The following TAF6L variants were observed in gnomAD, a reference collection of about 807,000 sequenced individuals.
The protein encoded by TAF6L is TAF6-like RNA polymerase II p300/CBP-associated factor-associated factor 65 kDa subunit 6L.
A neutral mutation model predicts 57.3 loss-of-function variants in TAF6L; 34 were observed. That is an observed-to-expected ratio of 0.59 (90% confidence interval 0.45 to 0.79). The LOEUF is 0.79. TAF6L is among the 30% of genes least tolerant of loss of function. The pLI, the probability that TAF6L is intolerant of heterozygous loss-of-function variation, is 0.00. For missense variants in TAF6L, 782 were observed against 853.2 expected (o/e 0.92, Z 1.04); for synonymous variants, 417 against 376.3 (o/e 1.11, Z -1.25).
Position 62,784,616 on chromosome 11 carries a change from A to G in TAF6L, c.961-1644A>G, listed in dbSNP as rs183377166. ...CCACCGTGCCTGGCCTATATTCTTA[A>G]TTTTATCATCAATTTATATTGGATT... On this transcript the variant is annotated intron_variant, in intron 9 of 10. Coordinates refer to ENST00000294168, the MANE Select transcript of TAF6L (RefSeq NM_006473.4). Among the ~76,000 whole-genome samples, 446 of 152,114 alleles carry G rather than the reference A, an allele frequency of 2.9e-3. 3 individuals are homozygous for G. The highest frequency in any genetic ancestry group is 9.5e-3 in the African/African-American group (393 of 41,496).
In TAF6L at chr11:62,778,947, A is replaced by G; in HGVS notation, c.515A>G (p.Asp172Gly). The G allele has an allele frequency of 1.2e-6, 2 of 1,613,478 alleles. No homozygotes were observed. The highest frequency in any genetic ancestry group is 1.7e-6 in the Non-Finnish European group (2 of 1,179,796). Residue 172 changes from aspartate to glycine, a missense_variant, in exon 6 of 11, where the codon GAT becomes GGT. This residue lies in a region of TAF6L where 220 missense variants were observed against 252.1 expected (regional missense o/e 0.87). Coordinates refer to ENST00000294168, the MANE Select transcript of TAF6L (RefSeq NM_006473.4). ...GTGACTCGTGCTGTGCTAGGGGATG[A>G]TCCGCAACTGATGAAGGTGAGCGAG... Reference protein sequence around the residue: ...HQVTRAVLGDDPQLMKVALQD... With the variant: ...HQVTRAVLGDGPQLMKVALQD...
At chr11:62,785,048 G>T (rs2084260017) in intron 9 of TAF6L, among the ~76,000 whole-genome samples, 1 of 151,878 alleles carries the variant, frequency 6.6e-6, no homozygotes, top group Admixed American at 6.6e-5. Context: ...TTCCTACATT[G>T]CCCAGGCTGG....
chr11:62,778,680 A>G, intron 5 of TAF6L, 189 bp from the exon 6 acceptor site: 1 of 625,106 alleles, frequency 1.6e-6, no homozygotes, highest in Non-Finnish European at 2.8e-6. Context: ...AGGACAGAGC[A>G]CAGAGGTGTG....
In TAF6L at chr11:62,787,206, C is replaced by G. The variant is rs1398477003; in HGVS notation, c.1779C>G (p.Arg593=). 1 of 1,588,960 alleles carries G rather than the reference C, an allele frequency of 6.3e-7. No homozygotes were observed. Among genetic ancestry groups the G allele is most frequent in the South Asian group, 1.1e-5 (1 of 90,154 alleles). The change falls in exon 11 of 11, where the codon CGC becomes CGG. Residue 593 remains arginine, a synonymous_variant. Transcript: ENST00000294168. ...PAPYGPSPAS[R]YVQKLPMIGR... ...CGTACGGGCCTAGCCCGGCCTCGCGCTACGTGCAGAAACTGCCCATGATCG... is the reference window on the plus strand; with the variant it reads ...CGTACGGGCCTAGCCCGGCCTCGCGGTACGTGCAGAAACTGCCCATGATCG...
intron 8 of TAF6L, 70 bp from the exon 9 acceptor site, chr11:62,782,623 G>T: frequency 1.3e-6 from 2 of 1,582,166 alleles, no homozygotes; most frequent in Non-Finnish European, 1.7e-6. Flanking sequence ...TATTCTCTTT[G>T]TGTTGTCTTG....
chr11:62,781,869 A>T (rs376643499), intron 6 of TAF6L, 25 bp from the exon 7 acceptor site: 13 of 1,610,390 alleles, frequency 8.1e-6, no homozygotes, highest in South Asian at 1.1e-5. Flanking sequence ...GGTGGATCCA[A>T]TGCAGTCTGG....
chr11:62,780,727 C>G (rs1295533533), intron 6 of TAF6L, among the ~76,000 whole-genome samples: 1 of 150,970 alleles, frequency 6.6e-6, no homozygotes, highest in Non-Finnish European at 1.5e-5. Context: ...GCCGGGAGTT[C>G]GAGACCAGCC....
chr11:62,779,218 G>A (rs1478448672), intron 6 of TAF6L, among the ~76,000 whole-genome samples: 1 of 151,620 alleles, frequency 6.6e-6, no homozygotes, highest in Non-Finnish European at 1.5e-5. Context: ...TTTTTGAAAC[G>A]GAGTCTTGCA....
intron 3 of TAF6L, among the ~76,000 whole-genome samples, chr11:62,776,768 T>C (rs2084191127): frequency 6.6e-6 from 1 of 151,226 alleles, no homozygotes; most frequent in Non-Finnish European, 1.5e-5. Context: ...TGAGAATCGC[T>C]TGAACCTAGC....
At chr11:62,774,355 C>T (rs1397766593) in intron 1 of TAF6L, among the ~76,000 whole-genome samples, 2 of 152,152 alleles carry the variant, frequency 1.3e-5, no homozygotes, top group South Asian at 2.1e-4. Context: ...GGATTACAGG[C>T]GTGAGCCACC....
chr11:62,775,793 CGAG>C lies in TAF6L; in HGVS notation c.11_13del (p.Arg4_Glu5delinsGln). 6.2e-7 allele frequency: 1 copy of C among 1,608,302 alleles called. No homozygotes were observed. Among genetic ancestry groups the C allele is most frequent in the African/African-American group, 1.3e-5 (1 of 74,988 alleles). ...CAGCTCCACTGGGGCCATGTCAGAGCGAGAAGAGCGGCGGTTTGTGGAGATCCC... is the reference window on the plus strand; with the variant it reads ...CAGCTCCACTGGGGCCATGTCAGAGCAAGAGCGGCGGTTTGTGGAGATCCC... On this transcript the variant is annotated inframe_deletion, in exon 2 of 11. Transcript: ENST00000294168.
chr11:62,786,930 C>T lies in TAF6L; in HGVS notation c.1503C>T (p.Ser501=), dbSNP rs2134730640. 4.7e-6 allele frequency: 7 copies of T among 1,477,334 alleles called. No homozygotes were observed. The African/African-American group carries it at 5.9e-5, about 12-fold the overall frequency. 91.5% of individuals were successfully genotyped at this position (1,477,334 alleles called of 1,614,324 possible). A position where few individuals can be genotyped will look rare whatever the true frequency, so the allele number is the denominator to read the frequency against. ...TAGTCAGCCCGCACGGCGACGAGAGCCCCCGGGGCAGCGGCGGAGGCGGCC... is the reference window on the plus strand; with the variant it reads ...TAGTCAGCCCGCACGGCGACGAGAGTCCCCGGGGCAGCGGCGGAGGCGGCC... ...SAIVSPHGDE[S]PRGSGGGGPA... The change falls in exon 11 of 11, where the codon AGC becomes AGT. Residue 501 remains serine (S), a synonymous_variant. Transcript: ENST00000294168.
chr11:62,779,027 T>G, intron 6 of TAF6L, 64 bp downstream of exon 6: 1 of 1,467,232 alleles, frequency 6.8e-7, no homozygotes, highest in Non-Finnish European at 9.5e-7. Flanking sequence ...CTGTTTTTTT[T>G]TTTTTTTTTT....
At chr11:62,782,570 T>A in intron 8 of TAF6L, 123 bp from the exon 9 acceptor site, 1 of 1,429,766 alleles carries the variant, frequency 7.0e-7, no homozygotes, top group Non-Finnish European at 9.5e-7. Context: ...CTGGCAGCCT[T>A]CTTCACTTAA....
At chr11:62,785,186 T>C (rs1423130562) in intron 9 of TAF6L, among the ~76,000 whole-genome samples, 5 of 151,490 alleles carry the variant, frequency 3.3e-5, no homozygotes, top group Non-Finnish European at 7.4e-5. Context: ...TGGCATGGTA[T>C]TTTCTTTCCT....
At chr11:62,775,206 G>C (rs901666232) in intron 1 of TAF6L, among the ~76,000 whole-genome samples, 9 of 152,192 alleles carry the variant, frequency 5.9e-5, no homozygotes, top group African/African-American at 2.2e-4. Flanking sequence ...CTGCAGCTAG[G>C]AGAAGTGCCG....
rs1343156752 is a variant in TAF6L, at chr11:62,787,122, C to A, written c.1695C>A (p.Ala565=). Reference sequence around the variant, plus strand: ...CCCCGCACTTTCGTTTCATCATAGCCGGGCGGCAGGCTGGGAGGCGCTGCC... The same window carrying A: ...CCCCGCACTTTCGTTTCATCATAGCAGGGCGGCAGGCTGGGAGGCGCTGCC... ...RGAPHFRFII[A]GRQAGRRCRG... is the part of the protein sequence containing the mutation. Residue 565 remains alanine, a synonymous_variant, in exon 11 of 11, where the codon GCC becomes GCA. Transcript: ENST00000294168. 6 of 1,557,092 alleles carry A rather than the reference C, an allele frequency of 3.9e-6. No homozygotes were observed. Among genetic ancestry groups the A allele is most frequent in the Non-Finnish European group, 5.2e-6 (6 of 1,159,790 alleles).
chr11:62,787,262 C>T lies in TAF6L; in HGVS notation c.1835C>T (p.Ala612Val). 1 of 1,562,026 alleles carries T rather than the reference C, an allele frequency of 6.4e-7. No homozygotes were observed. The highest frequency in any genetic ancestry group is 8.6e-7 in the Non-Finnish European group (1 of 1,162,594). ...GRTSRPARRW[A>V]LSDYSLYLPL ...ACCAGCCGCCCCGCCCGCCGGTGGG[C>T]GCTCTCGGACTACTCGCTGTACTTG... Residue 612 changes from alanine (A) to valine (V), a missense_variant, in exon 11 of 11, where the codon GCG (alanine) becomes GTG (valine). This residue lies in a region of TAF6L where 483 missense variants were observed against 445.1 expected (regional missense o/e 1.09). Coordinates refer to ENST00000294168, the MANE Select transcript of TAF6L (RefSeq NM_006473.4).
intron 1 of TAF6L, among the ~76,000 whole-genome samples, chr11:62,773,313 A>G (rs1201721615): frequency 6.6e-6 from 1 of 150,692 alleles, no homozygotes; most frequent in Non-Finnish European, 1.5e-5. Flanking sequence ...ATGCCTAGCT[A>G]ATTTTTGTAT....
Sources: gnomAD v4.1 joint callset for allele counts (sites outside exome capture counted in the v4.1 genomes callset) on GRCh38, gnomAD v4.1.1 for gene constraint, gnomAD v4.1.1 regional missense constraint, MANE v1.5 for transcripts, NCBI Gene and HGNC (gene_info 2026-07-23, HGNC 2026-07-21) for gene names.